ZC3H7B: variants seen among roughly 807,000 people sequenced by gnomAD.
ZC3H7B encodes zinc finger CCCH domain-containing protein 7B.
In ZC3H7B, 35 loss-of-function variants were observed where a neutral mutation model predicts 116.0. The ratio of observed to expected loss-of-function variants is 0.30; its 90% CI spans 0.23 to 0.40. The LOEUF (loss-of-function observed/expected upper bound fraction) is 0.40. Among genes scored for constraint, ZC3H7B ranks in the 10% least tolerant of loss-of-function variants. The pLI, the probability that ZC3H7B is intolerant of heterozygous loss-of-function variation, is 1.00. For missense variants in ZC3H7B, 1,011 were observed against 1,321.5 expected, an observed-to-expected ratio of 0.77 and a Z score of 3.64; for synonymous variants, 502 against 545.6, an observed-to-expected ratio of 0.92 and a Z score of 1.11.
chr22:41,335,254 T>C (rs929858351), intron 7 of ZC3H7B: 2 of 152,200 alleles, frequency 1.3e-5, no homozygotes, highest in Non-Finnish European at 2.9e-5. Flanking sequence ...CTCAGAGCCT[T>C]GGCTTCCTTC....
chr22:41,351,751 G>C lies in ZC3H7B; in HGVS notation c.2034+105G>C. 2 of 1,073,774 alleles carry C rather than the reference G, an allele frequency of 1.9e-6. No individual in the cohort carries two copies. The highest frequency in any genetic ancestry group is 2.7e-6 in the Non-Finnish European group (2 of 735,708). 66.5% of individuals were successfully genotyped at this position (1,073,774 alleles called of 1,614,324 possible). A position where few individuals can be genotyped will look rare whatever the true frequency, so the allele number is the denominator to read the frequency against. ...CAATAGAGAAATGTTTACAATGGAG[G>C]CACCTCGAATAAGTTATGAAAGTAA... On this transcript the variant is annotated intron_variant, in intron 17 of 22. Coordinates refer to ENST00000352645, the MANE Select transcript of ZC3H7B (RefSeq NM_017590.6). This position sits in a 1 kb window ranked among gnomAD's most constrained non-coding sequence, Gnocchi z 5.1.
At chr22:41,341,023 C>A in intron 10 of ZC3H7B, 65 bp from the exon 11 acceptor site, 1 of 1,521,192 alleles carries the variant, frequency 6.6e-7, no homozygotes, top group Non-Finnish European at 9.1e-7. Context: ...TAAGGGGAAG[C>A]CCTAGGAAGG....
chr22:41,318,990 C>A (rs1169988583), intron 1 of ZC3H7B, among the ~76,000 whole-genome samples: 1 of 152,102 alleles, frequency 6.6e-6, no homozygotes, highest in East Asian at 1.9e-4. Context: ...CAAAGTGAGC[C>A]AGGCGCAGTG....
rs528741668 is a variant in ZC3H7B at position 41,313,670 on chromosome 22, T to C, written c.-6-6985T>C. Among the ~76,000 whole-genome samples the C allele has an allele frequency of 5.3e-5, 8 of 152,272 alleles. No individual in the cohort carries two copies. In the South Asian group the frequency reaches 1.7e-3, roughly 32 times the overall value. On this transcript the variant is annotated intron_variant, in intron 1 of 22. Transcript: ENST00000352645. ...GGGAGGGCTTGGGAGTGCCAGTTTC[T>C]CCATCCTCGTCAACCAGGCTTTCTT...
chr22:41,356,260 G>A lies in ZC3H7B; in HGVS notation c.2384-83G>A, dbSNP rs977544672. 6.6e-5 allele frequency: 104 copies of A among 1,586,542 alleles called. No individual in the cohort carries two copies. In the African/African-American group the frequency reaches 9.1e-4, roughly 14 times the overall value. ...TATCAGCAGGACTTGGGACGCCCACGGCTCCCAAATCAAGTGGGGACCATG... is the reference window on the plus strand; with the variant it reads ...TATCAGCAGGACTTGGGACGCCCACAGCTCCCAAATCAAGTGGGGACCATG... On this transcript the variant is annotated intron_variant, in intron 20 of 22. Coordinates refer to ENST00000352645, the MANE Select transcript of ZC3H7B (RefSeq NM_017590.6).
In ZC3H7B at chr22:41,302,352, A is replaced by G. The variant is rs906393145; in HGVS notation, c.-7+580A>G. Among the ~76,000 whole-genome samples, 1 of 151,240 alleles carries G rather than the reference A, an allele frequency of 6.6e-6. No homozygotes were observed. Among genetic ancestry groups the G allele is most frequent in the Admixed American group, 6.6e-5 (1 of 15,230 alleles). On this transcript the variant is annotated intron_variant, in intron 1 of 22. Transcript: ENST00000352645. The surrounding 1 kb of genome is among the most constrained non-coding windows in gnomAD (Gnocchi z 5.7). ...GCGAGCCCGGGGATCCGGGGCCTGC[A>G]GCCGGGCCCGCGGGAAGGGGGCGGC...
At chr22:41,331,010 C>T (rs1246956593) in intron 6 of ZC3H7B, among the ~76,000 whole-genome samples, 5 of 146,640 alleles carry the variant, frequency 3.4e-5, no homozygotes, top group Non-Finnish European at 6.0e-5. Context: ...GCTGGGATTA[C>T]AGGCGCCCGC....
chr22:41,310,533 A>G (rs866923688), intron 1 of ZC3H7B, among the ~76,000 whole-genome samples: 50 of 152,194 alleles, frequency 3.3e-4, no homozygotes, highest in African/African-American at 1.1e-3. Context: ...TTGATGCCCA[A>G]TGATGCACCA....
chr22:41,334,240 G>A (rs1426339772), intron 7 of ZC3H7B: 5 of 152,376 alleles, frequency 3.3e-5, no homozygotes, highest in Admixed American at 2.0e-4. Flanking sequence ...CAGACACTGG[G>A]AATAGAGCAC....
In ZC3H7B at chr22:41,346,353, GGTCA is replaced by G. The variant is rs989312436; in HGVS notation, c.1665+148_1665+151del. On this transcript the variant is annotated intron_variant, in intron 14 of 22. Coordinates refer to ENST00000352645, the MANE Select transcript of ZC3H7B (RefSeq NM_017590.6). The surrounding 1 kb of genome is among the most constrained non-coding windows in gnomAD (Gnocchi z 5.3). ...GTCTTAGAACCAGTAGGTCCTGGAG[GGTCA>G]GTAAGTCTGGGCCCTAGGATCCTAT... The G allele has an allele frequency of 1.3e-5, 11 of 843,126 alleles. No homozygotes were observed. In the African/African-American group the frequency reaches 1.9e-4, roughly 14 times the overall value. 52.2% of individuals were successfully genotyped at this position (843,126 alleles called of 1,614,324 possible). A position where few individuals can be genotyped will look rare whatever the true frequency, so the allele number is the denominator to read the frequency against.
rs9538 is a variant in ZC3H7B at position 41,359,853 on chromosome 22, G to T, written c.*2424G>T. 0.22 allele frequency: 31,353 copies of T among 140,882 alleles called. 4,415 individuals are homozygous for T. Among genetic ancestry groups the T allele is most frequent in the Admixed American group, 0.48 (6,615 of 13,670 alleles). The allele number at this position is 140,882 out of a possible 1,614,324, so 8.7% of individuals were successfully genotyped here. A position where few individuals can be genotyped will look rare whatever the true frequency, so the allele number is the denominator to read the frequency against. On this transcript the variant is annotated 3_prime_UTR_variant, in exon 23 of 23. Transcript: ENST00000352645. ...GGGAGGCTCAGAGGACTGAATCTGG[G>T]ACCTGTGTTCCCCCCGGCAGGCAGG...
At chr22:41,337,900 C>G (rs1336771537) in intron 7 of ZC3H7B, among the ~76,000 whole-genome samples, 1 of 150,418 alleles carries the variant, frequency 6.6e-6, no homozygotes, top group African/African-American at 2.5e-5. Flanking sequence ...TAGAGTCTCG[C>G]TCTGTTGCCC....
rs2036479588 is a variant in ZC3H7B, at chr22:41,338,923, G to A, written c.626-78G>A. On this transcript the variant is annotated intron_variant, in intron 8 of 22. Transcript: ENST00000352645. This position sits in a 1 kb window ranked among gnomAD's most constrained non-coding sequence, Gnocchi z 4.5. Reference sequence around the variant, plus strand: ...AAGAAGAAGGGAAAGTGTTGGATGAGCATCACGGGGCCCGGGACGCCTCCT... The same window carrying A: ...AAGAAGAAGGGAAAGTGTTGGATGAACATCACGGGGCCCGGGACGCCTCCT... 1.4e-6 allele frequency: 2 copies of A among 1,386,330 alleles called. No homozygotes were observed. Among genetic ancestry groups the A allele is most frequent in the South Asian group, 1.5e-5 (1 of 65,604 alleles). The allele number at this position is 1,386,330 out of a possible 1,614,324, so 85.9% of individuals were successfully genotyped here. A position where few individuals can be genotyped will look rare whatever the true frequency, so the allele number is the denominator to read the frequency against.
At chr22:41,339,646 AGC>A (rs2036492709) in intron 9 of ZC3H7B, among the ~76,000 whole-genome samples, 168 bp from the exon 10 acceptor site, 1 of 151,316 alleles carries the variant, frequency 6.6e-6, no homozygotes, top group African/African-American at 2.4e-5. Flanking sequence ...AAAGAAATGA[AGC>A]TGCACAATGT....
At chr22:41,344,209 G>T (rs1175706615) in intron 13 of ZC3H7B, among the ~76,000 whole-genome samples, 1 of 152,206 alleles carries the variant, frequency 6.6e-6, no homozygotes, top group Non-Finnish European at 1.5e-5. Flanking sequence ...CTCTGGAGGA[G>T]GAAACGGAGG....
intron 11 of ZC3H7B, among the ~76,000 whole-genome samples, chr22:41,341,890 C>T (rs1283900688): frequency 3.9e-5 from 6 of 152,000 alleles, no homozygotes; most frequent in Non-Finnish European, 7.4e-5. Context: ...GGTGATACCC[C>T]GTCTCTATTA....
In ZC3H7B at chr22:41,357,899, T is replaced by C; in HGVS notation, c.*470T>C. On this transcript the variant is annotated 3_prime_UTR_variant, in exon 23 of 23. Transcript: ENST00000352645. The surrounding 1 kb of genome is among the most constrained non-coding windows in gnomAD (Gnocchi z 5.4). ...CAGAGGGCAGAGGCCCCATTAGCTT[T>C]AAAATGTAGCCCCAGGTTGGAGCTG... The C allele has an allele frequency of 5.6e-6, 1 of 178,418 alleles. No homozygotes were observed. Among genetic ancestry groups the C allele is most frequent in the South Asian group, 1.3e-4 (1 of 7,932 alleles). The allele number at this position is 178,418 out of a possible 1,614,324, so 11.1% of individuals were successfully genotyped here. A position where few individuals can be genotyped will look rare whatever the true frequency, so the allele number is the denominator to read the frequency against.
chr22:41,329,880 G>A, intron 5 of ZC3H7B, 143 bp from the exon 6 acceptor site: 1 of 656,860 alleles, frequency 1.5e-6, no homozygotes, highest in African/African-American at 1.8e-5. Context: ...GGACAAGCCA[G>A]GGACACCTCC....
chr22:41,332,444 C>T, intron 7 of ZC3H7B: 2 of 581,036 alleles, frequency 3.4e-6, no homozygotes, highest in Non-Finnish European at 6.1e-6. Context: ...GGCAGCCTCA[C>T]TCTTGAACCC....
Sources: gnomAD v4.1 joint callset for allele counts (sites outside exome capture counted in the v4.1 genomes callset) on GRCh38, gnomAD v4.1.1 for gene constraint, Gnocchi (gnomAD v3.1) non-coding constraint, MANE v1.5 for transcripts, NCBI Gene and HGNC (gene_info 2026-07-23, HGNC 2026-07-21) for gene names.